The following URM1 variants were observed in gnomAD, a reference collection of about 807,000 sequenced individuals.
URM1 encodes ubiquitin related modifier 1.
A neutral mutation model predicts 17.7 loss-of-function variants in URM1; 11 were observed. That is an observed-to-expected ratio of 0.62 (90% CI 0.39 to 1.03). URM1 has a LOEUF of 1.03. Ranked by LOEUF, URM1 falls within the 50% of genes least tolerant of loss-of-function variation. The pLI, the probability that URM1 is intolerant of heterozygous loss-of-function variation, is 0.00. For synonymous variants in URM1, 48 were observed against 50.6 expected, an observed-to-expected ratio of 0.95 and a Z score of 0.22; for missense variants, 128 against 129.2, an observed-to-expected ratio of 0.99 and a Z score of 0.04.
At chr9:128,376,272 G>T (rs1223734626) in intron 1 of URM1, among the ~76,000 whole-genome samples, 1 of 152,114 alleles carries the variant, frequency 6.6e-6, no homozygotes, top group African/African-American at 2.4e-5. Flanking sequence ...TGATGTGGGA[G>T]GTTTGCTTGA....
At chr9:128,389,481 A>G (rs1833276051) in intron 4 of URM1, 172 bp downstream of exon 4, 1 of 1,560,712 alleles carries the variant, frequency 6.4e-7, no homozygotes, top group Non-Finnish European at 8.7e-7. Context: ...AGGGATGGGT[A>G]GCTGGGGACA....
intron 1 of URM1, among the ~76,000 whole-genome samples, chr9:128,377,269 G>A (rs1230911446): frequency 6.6e-6 from 1 of 152,168 alleles, no homozygotes; most frequent in Non-Finnish European, 1.5e-5. Flanking sequence ...GCTTGTGCCT[G>A]TAATCCCAGT....
rs1452413224 is a variant in URM1 at position 128,390,717 on chromosome 9, AG to A, written c.*984del. The A allele has an allele frequency of 1.3e-5, 2 of 152,514 alleles. No homozygotes were observed. The highest frequency in any genetic ancestry group is 4.8e-5 in the African/African-American group (2 of 41,438). 9.4% of individuals were successfully genotyped at this position (152,514 alleles called of 1,614,324 possible). On this transcript the variant is annotated 3_prime_UTR_variant, in exon 5 of 5. Transcript: ENST00000372853. ...CAACAGCCGGCCTTGGGCAAATAAA[AG>A]ACTAGGTTGTTTACTAGCCTTGCTT...
chr9:128,381,841 C>A (rs147395352), intron 2 of URM1, among the ~76,000 whole-genome samples: 136 of 152,364 alleles, frequency 8.9e-4, no homozygotes, highest in Middle Eastern at 6.8e-3. Context: ...TTGCCACTAA[C>A]CCATCACCGT....
At chr9:128,375,991 TG>T (rs1343423784) in intron 1 of URM1, among the ~76,000 whole-genome samples, 1 of 151,910 alleles carries the variant, frequency 6.6e-6, no homozygotes, top group Non-Finnish European at 1.5e-5. Flanking sequence ...TCTGCACCTG[TG>T]TGGTAAGCTG....
At chr9:128,376,418 G>T (rs915732622) in intron 1 of URM1, among the ~76,000 whole-genome samples, 1 of 151,308 alleles carries the variant, frequency 6.6e-6, no homozygotes, top group Non-Finnish European at 1.5e-5. Context: ...CCAACACTTC[G>T]GGAGGCTGAG....
In URM1 at chr9:128,387,896, G is replaced by A. The variant is rs143848348; in HGVS notation, c.187G>A (p.Val63Met). 91 of 1,613,878 alleles carry A rather than the reference G, an allele frequency of 5.6e-5. No individual in the cohort carries two copies. Among genetic ancestry groups the A allele is most frequent in the Non-Finnish European group, 7.0e-5 (83 of 1,180,000 alleles). Residue 63 changes from valine to methionine, a missense_variant and splice_region_variant, in exon 3 of 5, where the codon GTG (valine) becomes ATG (methionine). Physicochemically the swap from Val to Met is conservative, Grantham distance 21. Transcript: ENST00000372853. The surrounding 1 kb of genome is among the most constrained non-coding windows in gnomAD (Gnocchi z 4.3). ...RPELFIQGDS[V>M]RPGILVLIND... ...AGAGTTGTTCATCCAGGGAGACAGC[G>A]TGTGAGTCCCACTCCTCCCTTCCCT... is the stretch of plus-strand genomic sequence containing the variant.
chr9:128,384,093 T>C (rs146593697), intron 2 of URM1, among the ~76,000 whole-genome samples: 21 of 152,292 alleles, frequency 1.4e-4, no homozygotes, highest in African/African-American at 5.1e-4. Context: ...TGGATTATTA[T>C]CCCTGCTTGT....
At chr9:128,388,033 A>T (rs944505265) in intron 3 of URM1, 136 bp downstream of exon 3, 41 of 1,400,448 alleles carry the variant, frequency 2.9e-5, no homozygotes, top group Non-Finnish European at 3.7e-5. Context: ...CAGCTCTGAG[A>T]TCTGTTTTCA....
intron 1 of URM1, 63 bp downstream of exon 1, chr9:128,371,478 C>A (rs961417201): frequency 2.0e-5 from 31 of 1,563,798 alleles, no homozygotes; most frequent in Middle Eastern, 3.4e-4. Context: ...GAATTCCTTT[C>A]CTTCTGCCGT....
At chr9:128,375,087 C>T (rs1171049248) in intron 1 of URM1, among the ~76,000 whole-genome samples, 3 of 152,220 alleles carry the variant, frequency 2.0e-5, no homozygotes, top group Non-Finnish European at 4.4e-5. Context: ...GTTGCTTAAC[C>T]TCTCTAGGCT....
rs539051351 is a variant in URM1 at position 128,391,963 on chromosome 9, C to T, written c.*2229C>T. 1 of 152,496 alleles carries T rather than the reference C, an allele frequency of 6.6e-6. No individual in the cohort carries two copies. Among genetic ancestry groups the T allele is most frequent in the East Asian group, 1.9e-4 (1 of 5,186 alleles). 9.4% of individuals were successfully genotyped at this position (152,496 alleles called of 1,614,324 possible). A position where few individuals can be genotyped will look rare whatever the true frequency, so the allele number is the denominator to read the frequency against. ...TCCCAACTGCCCCTCTCCCAAGCAACTCCTGATCCCTGCTTTTGAGGAAAT... is the reference window on the plus strand; with the variant it reads ...TCCCAACTGCCCCTCTCCCAAGCAATTCCTGATCCCTGCTTTTGAGGAAAT... On this transcript the variant is annotated 3_prime_UTR_variant, in exon 5 of 5. Coordinates refer to ENST00000372853, the MANE Select transcript of URM1 (RefSeq NM_030914.4).
At chr9:128,374,024 A>G (rs1039020517) in intron 1 of URM1, among the ~76,000 whole-genome samples, 2 of 152,216 alleles carry the variant, frequency 1.3e-5, no homozygotes, top group African/African-American at 4.8e-5. Flanking sequence ...AAACACATCC[A>G]CCAAGAATTG....
intron 2 of URM1, among the ~76,000 whole-genome samples, chr9:128,379,039 TG>T (rs1487487596): frequency 7.4e-5 from 11 of 148,032 alleles, no homozygotes; most frequent in African/African-American, 2.7e-4. Flanking sequence ...ATATGGCAGG[TG>T]TTCACTGTAA....
At chr9:128,375,216 A>G (rs914897768) in intron 1 of URM1, among the ~76,000 whole-genome samples, 42 of 152,278 alleles carry the variant, frequency 2.8e-4, no homozygotes, top group African/African-American at 9.9e-4. Context: ...CGATGTGAAC[A>G]GTTGTTCTTA....
At chr9:128,388,284 A>C in intron 3 of URM1, 1 of 1,065,810 alleles carries the variant, frequency 9.4e-7, no homozygotes, top group Non-Finnish European at 1.1e-6. Context: ...ATTGTAATTT[A>C]AATAGCCACA....
chr9:128,382,623 G>A (rs1474631711), intron 2 of URM1, among the ~76,000 whole-genome samples: 2 of 152,150 alleles, frequency 1.3e-5, no homozygotes, highest in South Asian at 2.1e-4. Flanking sequence ...AGCCTGGCAC[G>A]CGCAGTTGCA....
intron 3 of URM1, chr9:128,388,817 G>C (rs1338487103): frequency 1.0e-6 from 1 of 991,054 alleles, no homozygotes; most frequent in African/African-American, 1.7e-5. Flanking sequence ...AAAAAAAGCC[G>C]AAGTTCTTTT....
intron 1 of URM1, among the ~76,000 whole-genome samples, chr9:128,375,283 G>T (rs907816848): frequency 6.6e-6 from 1 of 152,196 alleles, no homozygotes; most frequent in Admixed American, 6.5e-5. Flanking sequence ...GTACCCACCA[G>T]GTCAGCAGCA....
Sources: allele counts gnomAD v4.1 joint callset (sites outside exome capture counted in the v4.1 genomes callset), GRCh38; gene constraint gnomAD v4.1.1; non-coding constraint Gnocchi (gnomAD v3.1); transcripts MANE v1.5; gene names NCBI Gene and HGNC (gene_info 2026-07-23, HGNC 2026-07-21).